Variants in TUSC3 observed in about 807,000 individuals in gnomAD.
The protein encoded by TUSC3 is tumor suppressor candidate 3.
TUSC3 carries 45 observed loss-of-function variants against 44.8 expected under a neutral mutation model. The ratio of observed to expected loss-of-function variants is 1.00; its 90% confidence interval spans 0.79 to 1.29. TUSC3 has a LOEUF of 1.29. Among genes scored for constraint, TUSC3 ranks in the 50% most tolerant of loss-of-function variants. The pLI, the probability that TUSC3 is intolerant of heterozygous loss-of-function variation, is 0.00. For synonymous variants in TUSC3, 212 were observed against 152.9 expected (o/e 1.39, Z -2.85); for missense variants, 519 against 437.9 (o/e 1.19, Z -1.65).
intron 2 of TUSC3, among the ~76,000 whole-genome samples, chr8:15,491,770 C>G (rs1800812502): frequency 6.6e-6 from 1 of 152,186 alleles, no homozygotes; most frequent in South Asian, 2.1e-4. Context: ...CTGAAGAAAA[C>G]AGGCTGAACA....
At chr8:15,788,798 C>T in the TUSC3 span, among the ~76,000 whole-genome samples, 1 of 152,112 alleles carries the variant, frequency 6.6e-6, no homozygotes, top group African/African-American at 2.4e-5. Context: ...CTAACATCCT[C>T]ATCATTTCAC....
chr8:15,504,612 TA>T (rs1563268594), intron 2 of TUSC3, among the ~76,000 whole-genome samples: 320 of 29,278 alleles, frequency 0.011, no homozygotes, highest in Middle Eastern at 0.02. Flanking sequence ...TATATATATA[TA>T]TATATATATT....
chr8:15,806,797 T>G, the TUSC3 span: 3 of 833,282 alleles, frequency 3.6e-6, no homozygotes, highest in African/African-American at 3.4e-5. Context: ...CTAGCGGATT[T>G]GCAATTTGTG....
chr8:15,640,964 T>C (rs755662812), intron 2 of TUSC3, among the ~76,000 whole-genome samples: 1 of 152,216 alleles, frequency 6.6e-6, no homozygotes, highest in Non-Finnish European at 1.5e-5. Flanking sequence ...TAGGAATTCA[T>C]GAGGCATGTT....
chr8:15,661,349 C>G (rs997792943), intron 4 of TUSC3, among the ~76,000 whole-genome samples: 1 of 151,826 alleles, frequency 6.6e-6, no homozygotes, highest in Admixed American at 6.6e-5. Flanking sequence ...TCTTTTAATC[C>G]GGAATATTTC....
chr8:15,565,974 T>G (rs1375146878), intron 1 of TUSC3, among the ~76,000 whole-genome samples: 1 of 152,166 alleles, frequency 6.6e-6, no homozygotes, highest in Non-Finnish European at 1.5e-5. Flanking sequence ...TAAAGATGAC[T>G]TATTAAAAAC....
chr8:15,657,080 T>A (rs1199422539), intron 3 of TUSC3, among the ~76,000 whole-genome samples: 4 of 152,142 alleles, frequency 2.6e-5, no homozygotes, highest in African/African-American at 9.7e-5. Context: ...AGCTCTGAAA[T>A]GCCTTCAGGG....
At chr8:15,503,722 G>A (rs1046904977) in intron 2 of TUSC3, among the ~76,000 whole-genome samples, 1 of 151,762 alleles carries the variant, frequency 6.6e-6, no homozygotes, top group Non-Finnish European at 1.5e-5. Context: ...AAAAATATCG[G>A]CCAGCCACAA....
the TUSC3 span, among the ~76,000 whole-genome samples, chr8:15,835,375 T>C: frequency 9.7e-6 from 1 of 103,360 alleles, no homozygotes; most frequent in East Asian, 3.2e-4. Context: ...GTTTTGCTGA[T>C]TTTTTTAATG....
At chr8:15,434,680 C>A (rs975565269) in intron 1 of TUSC3, among the ~76,000 whole-genome samples, 15 of 151,834 alleles carry the variant, frequency 9.9e-5, no homozygotes, top group Non-Finnish European at 2.1e-4. Context: ...ATCCCTCCCC[C>A]ACGACTTCCC....
intron 1 of TUSC3, among the ~76,000 whole-genome samples, chr8:15,587,659 A>G (rs1365432901): frequency 6.6e-6 from 1 of 152,116 alleles, no homozygotes; most frequent in East Asian, 1.9e-4. Context: ...ATAGAACACT[A>G]GAACTTATTC....
chr8:15,528,942 T>C (rs1585077219), intron 2 of TUSC3, among the ~76,000 whole-genome samples: 1 of 152,166 alleles, frequency 6.6e-6, no homozygotes, highest in South Asian at 2.1e-4. Flanking sequence ...ACCTTTACCT[T>C]ACTCTTTCAT....
At chr8:15,814,075 T>C in the TUSC3 span, among the ~76,000 whole-genome samples, 1 of 152,222 alleles carries the variant, frequency 6.6e-6, no homozygotes, top group Admixed American at 6.5e-5. Context: ...CTGTATTATT[T>C]ATCTGTATCT....
intron 2 of TUSC3, among the ~76,000 whole-genome samples, chr8:15,637,789 G>A (rs752806288): frequency 1.3e-5 from 2 of 152,036 alleles, no homozygotes; most frequent in Admixed American, 6.6e-5. Flanking sequence ...GAAATAGGTC[G>A]AGTTCAGCAA....
chr8:15,547,456 A>G (rs1465202378), intron 1 of TUSC3, among the ~76,000 whole-genome samples: 1 of 151,682 alleles, frequency 6.6e-6, no homozygotes, highest in Non-Finnish European at 1.5e-5. Flanking sequence ...ACTAAATTGA[A>G]TGAAATACCT....
intron 1 of TUSC3, among the ~76,000 whole-genome samples, chr8:15,575,698 T>A (rs1318101414): frequency 6.6e-6 from 1 of 151,998 alleles, no homozygotes; most frequent in African/African-American, 2.4e-5. Context: ...ACCCAGGAGG[T>A]GGAGGTTGCA....
At chr8:15,525,101 T>A (rs1354010586) in intron 2 of TUSC3, among the ~76,000 whole-genome samples, 1 of 152,212 alleles carries the variant, frequency 6.6e-6, no homozygotes, top group Non-Finnish European at 1.5e-5. Flanking sequence ...GATGTAAAGG[T>A]ACAAGGAGAC....
At chr8:15,731,145 G>A (rs1810705546) in intron 7 of TUSC3, among the ~76,000 whole-genome samples, 1 of 152,082 alleles carries the variant, frequency 6.6e-6, no homozygotes, top group Non-Finnish European at 1.5e-5. Flanking sequence ...GAGATTTAGA[G>A]TGGTTCAACA....
At chr8:15,793,662 C>A in the TUSC3 span, among the ~76,000 whole-genome samples, 1 of 152,148 alleles carries the variant, frequency 6.6e-6, no homozygotes, top group African/African-American at 2.4e-5. Context: ...TGCTCCTACA[C>A]CCTACTAGAA....
Sources: allele counts gnomAD v4.1 joint callset (sites outside exome capture counted in the v4.1 genomes callset), GRCh38; gene constraint gnomAD v4.1.1; transcripts MANE v1.5; gene names NCBI Gene and HGNC (gene_info 2026-07-23, HGNC 2026-07-21).